Variants in UTRN observed in about 807,000 individuals in gnomAD.
UTRN encodes utrophin.
In UTRN, 283 loss-of-function variants were observed where a neutral mutation model predicts 463.9. The ratio of observed to expected loss-of-function variants is 0.61; its 90% confidence interval spans 0.55 to 0.67. The LOEUF is 0.67. Among genes scored for constraint, UTRN ranks in the 30% least tolerant of loss-of-function variants. UTRN has a pLI of 0.00. For missense variants in UTRN, 3,922 were observed against 4,084.3 expected (o/e 0.96, Z 1.08); for synonymous variants, 1,442 against 1,431.5 (o/e 1.01, Z -0.17).
At chr6:144,388,742 T>TC in intron 2 of UTRN, among the ~76,000 whole-genome samples, 1 of 152,248 alleles carries the variant, frequency 6.6e-6, no homozygotes, top group Middle Eastern at 3.4e-3. Context: ...GCTCAAGCAG[T>TC]CCACCCACTT....
At chr6:144,665,511 C>T (rs553068283) in intron 51 of UTRN, among the ~76,000 whole-genome samples, 1 of 152,084 alleles carries the variant, frequency 6.6e-6, no homozygotes, top group East Asian at 1.9e-4. Context: ...AAAGTGTTTA[C>T]AGTTATATCT....
At chr6:144,615,757 T>G (rs945252221) in intron 51 of UTRN, among the ~76,000 whole-genome samples, 15 of 151,350 alleles carry the variant, frequency 9.9e-5, no homozygotes, top group African/African-American at 3.1e-4. Context: ...TTTTTGCTTC[T>G]AGTATTTGAA....
intron 53 of UTRN, among the ~76,000 whole-genome samples, chr6:144,721,409 A>G (rs1452290578): frequency 6.6e-6 from 1 of 152,084 alleles, no homozygotes; most frequent in African/African-American, 2.4e-5. Flanking sequence ...GGGTCTAGCT[A>G]TGTTGCCCAG....
At chr6:144,393,608 G>C (rs990963275) in intron 2 of UTRN, among the ~76,000 whole-genome samples, 2 of 152,204 alleles carry the variant, frequency 1.3e-5, no homozygotes, top group African/African-American at 4.8e-5. Flanking sequence ...AGAATTCCAA[G>C]ATGGCGGCCT....
chr6:144,297,868 C>T (rs551155462), intron 2 of UTRN, among the ~76,000 whole-genome samples: 3 of 152,212 alleles, frequency 2.0e-5, no homozygotes, highest in East Asian at 1.9e-4. Flanking sequence ...GACTGGAAAA[C>T]GTGAATTGCT....
chr6:144,704,625 C>G (rs760511016), intron 53 of UTRN, among the ~76,000 whole-genome samples: 1 of 151,954 alleles, frequency 6.6e-6, no homozygotes, highest in Non-Finnish European at 1.5e-5. Context: ...TTGACATTAC[C>G]CTTACAGAAA....
intron 51 of UTRN, among the ~76,000 whole-genome samples, chr6:144,669,486 A>G (rs997261141): frequency 1.3e-5 from 2 of 152,222 alleles, no homozygotes; most frequent in Admixed American, 6.5e-5. Context: ...CCACTAATAT[A>G]TTATGATAGC....
rs542811913 is a variant in UTRN, at chr6:144,656,344, T to TA, written c.7480-22056dup. ...GATAATGTATCAAAGAGGTGGTTGATAAAAAAGGACTGTAGAAATGTAGGT... is the reference window on the plus strand; with the variant it reads ...GATAATGTATCAAAGAGGTGGTTGATAAAAAAAGGACTGTAGAAATGTAGGT... On this transcript the variant is annotated intron_variant, in intron 51 of 74. Transcript: ENST00000367545. Among the ~76,000 whole-genome samples, 19 of 152,306 alleles carry TA rather than the reference T, an allele frequency of 1.2e-4. No individual in the cohort carries two copies. In the East Asian group the frequency reaches 1.3e-3, roughly 11 times the overall value.
rs1803701622 is a variant in UTRN, at chr6:144,286,772, C to A, written c.-93+951C>A. The stretch of plus-strand genomic sequence containing the variant: ...GAGGAGGGAGAAAACGTTGCCCGAC[C>A]TCCGAGAGAGCTGTGGGACCAGCAC... On this transcript the variant is annotated intron_variant, in intron 1 of 74. Transcript: ENST00000367545. The surrounding 1 kb of genome is among the most constrained non-coding windows in gnomAD (Gnocchi z 4.4). Among the ~76,000 whole-genome samples, 2 of 152,140 alleles carry A rather than the reference C, an allele frequency of 1.3e-5. No homozygotes were observed. Among genetic ancestry groups the A allele is most frequent in the African/African-American group, 2.4e-5 (1 of 41,426 alleles).
chr6:144,634,324 T>C lies in UTRN; in HGVS notation c.7480-44082T>C, dbSNP rs77077277. Among the ~76,000 whole-genome samples the C allele has an allele frequency of 2.0e-3, 309 of 152,314 alleles. 9 individuals carry two copies. The East Asian group carries it at 0.049, about 24-fold the overall frequency. On this transcript the variant is annotated intron_variant, in intron 51 of 74. Coordinates refer to ENST00000367545, the MANE Select transcript of UTRN (RefSeq NM_007124.3). ...TCAGTTGGGGGCCCTTCAGATGAGC[T>C]GCCACCTTGTGACTGTCCGTCAGGG...
rs1278780477 is a variant in UTRN at position 144,458,155 on chromosome 6, A to G, written c.2285-615A>G. ...ATGTGTTTCTAAAGTAGATCATCTT[A>G]TTGCTGCCTCAGTCTTTTGGTATTT... On this transcript the variant is annotated intron_variant, in intron 19 of 74. Transcript: ENST00000367545. 2.0e-5 allele frequency among the ~76,000 whole-genome samples: 3 copies of G among 152,254 alleles called. No individual in the cohort carries two copies. In the East Asian group the frequency reaches 5.8e-4, roughly 29 times the overall value.
At chr6:144,669,062 A>G (rs1321646305) in intron 51 of UTRN, among the ~76,000 whole-genome samples, 1 of 152,272 alleles carries the variant, frequency 6.6e-6, no homozygotes, top group East Asian at 1.9e-4. Flanking sequence ...ACACTTACTT[A>G]TGATACATTA....
chr6:144,616,270 T>C (rs1806082132), intron 51 of UTRN, among the ~76,000 whole-genome samples: 1 of 152,208 alleles, frequency 6.6e-6, no homozygotes, highest in Admixed American at 6.5e-5. Context: ...CAGTTAATTA[T>C]AATTACCATT....
chr6:144,321,211 AAC>A (rs3061624), intron 2 of UTRN, among the ~76,000 whole-genome samples: 41,609 of 150,762 alleles, frequency 0.28, 5,961 homozygotes, highest in South Asian at 0.38. Context: ...ACTATTTACA[AAC>A]ACACACACAC....
intron 60 of UTRN, among the ~76,000 whole-genome samples, chr6:144,779,912 C>A (rs1486548839): frequency 1.3e-5 from 2 of 150,972 alleles, no homozygotes; most frequent in Non-Finnish European, 1.5e-5. Flanking sequence ...TGGATTGGTT[C>A]GTTATCCAGA....
At chr6:144,825,408 ATTTAATC>A (rs960261304) in intron 66 of UTRN, among the ~76,000 whole-genome samples, 2 of 152,186 alleles carry the variant, frequency 1.3e-5, no homozygotes, top group African/African-American at 4.8e-5. Context: ...AAAGCTTATC[ATTTAATC>A]TTTTTTTCTA....
rs747869878 is a variant in UTRN, at chr6:144,820,967, G to A, written c.9443G>A (p.Arg3148Gln). 11 of 1,613,696 alleles carry A rather than the reference G, an allele frequency of 6.8e-6. No homozygotes were observed. Among genetic ancestry groups the A allele is most frequent in the African/African-American group, 6.7e-5 (5 of 74,896 alleles). ...AAGAAGTACTTTGCCAAACACCCTC[G>A]ACTTGGTTACCTGCCTGTCCAGACA... ...RSKKYFAKHP[R>Q]LGYLPVQTVL... Residue 3148 changes from arginine to glutamine, a missense_variant, in exon 66 of 75, where the codon CGA becomes CAA. By Grantham distance (43) the Arg-to-Gln change is conservative (BLOSUM62 1). Around this residue, in one of 3 missense-constraint regions of UTRN, gnomAD observed 1,309 missense variants for 1,452.6 expected, o/e 0.90. Coordinates refer to ENST00000367545, the MANE Select transcript of UTRN (RefSeq NM_007124.3).
At chr6:144,680,429 G>A (rs1362566802) in intron 52 of UTRN, among the ~76,000 whole-genome samples, 1 of 152,134 alleles carries the variant, frequency 6.6e-6, no homozygotes, top group Non-Finnish European at 1.5e-5. Context: ...GGGAGAATAT[G>A]CTTGTGGCAG....
chr6:144,493,493 CTCTCTCTCTCTCTCTCAA>C (rs770459657), intron 33 of UTRN, 37 bp downstream of exon 33: 135 of 1,501,580 alleles, frequency 9.0e-5, no homozygotes, highest in Non-Finnish European at 1.1e-4. Flanking sequence ...CTCTCTGTCT[CTCTCTCTCTCTCTCTCAA>C]TCTCTCTCTC....
Sources: allele counts gnomAD v4.1 joint callset (sites outside exome capture counted in the v4.1 genomes callset), GRCh38; gene constraint gnomAD v4.1.1; regional missense constraint gnomAD v4.1.1; non-coding constraint Gnocchi (gnomAD v3.1); transcripts MANE v1.5; gene names NCBI Gene and HGNC (gene_info 2026-07-23, HGNC 2026-07-21).